Variants in BRD2 observed in about 807,000 individuals in gnomAD.
The protein encoded by BRD2 is bromodomain-containing protein 2.
In BRD2, 15 loss-of-function variants were observed where a neutral mutation model predicts 79.1. That is an observed-to-expected ratio of 0.19 (90% confidence interval 0.13 to 0.29). The LOEUF (loss-of-function observed/expected upper bound fraction) is 0.29, where lower values mean the gene tolerates loss of function less well. Among genes scored for constraint, BRD2 ranks in the 10% least tolerant of loss-of-function variants. BRD2 has a pLI of 1.00. For missense variants in BRD2, 1,053 were observed against 991.3 expected, an observed-to-expected ratio of 1.06 and a Z score of -0.84; for synonymous variants, 488 against 358.6, an observed-to-expected ratio of 1.36 and a Z score of -4.08.
Position 32,980,054 on chromosome 6 carries a change from A to G in BRD2, c.2068A>G (p.Thr690Ala). 6.2e-7 allele frequency: 1 copy of G among 1,613,034 alleles called. No homozygotes were observed. The highest frequency in any genetic ancestry group is 8.5e-7 in the Non-Finnish European group (1 of 1,180,018). Residue 690 changes from threonine (T) to alanine (A), a missense_variant, in exon 11 of 13, where the codon ACA (threonine) becomes GCA (alanine). This residue lies in a region of BRD2 where 44 missense variants were observed against 73.7 expected (regional missense o/e 0.60). Transcript: ENST00000374825. Reference sequence around the variant, plus strand: ...AGAAGAGATTGAGATTGATTTTGAAACACTCAAGCCATCCACACTTAGAGA... The same window carrying G: ...AGAAGAGATTGAGATTGATTTTGAAGCACTCAAGCCATCCACACTTAGAGA... ...NPEEIEIDFE[T>A]LKPSTLRELE...
rs761843183 is a variant in BRD2 at position 32,977,574 on chromosome 6, A to G, written c.1329+4A>G. On this transcript the variant is annotated splice_donor_region_variant and intron_variant, in intron 8 of 12. Transcript: ENST00000374825. The stretch of plus-strand genomic sequence containing the variant: ...GGCAATGGCACGAAAGCTACAGGTG[A>G]GTGGAAAGGTTGGAGTTTGAAAAAT... 1 of 1,613,812 alleles carries G rather than the reference A, an allele frequency of 6.2e-7. No homozygotes were observed. Among genetic ancestry groups the G allele is most frequent in the Non-Finnish European group, 8.5e-7 (1 of 1,179,936 alleles).
At chr6:32,969,742 A>G (rs1777777263) in intron 1 of BRD2, among the ~76,000 whole-genome samples, 1 of 152,118 alleles carries the variant, frequency 6.6e-6, no homozygotes, top group African/African-American at 2.4e-5. Context: ...AGGAACAGAA[A>G]CCAGGCCCAA....
chr6:32,972,992 C>A (rs1778228828), intron 2 of BRD2, 65 bp downstream of exon 2: 2 of 1,613,564 alleles, frequency 1.2e-6, no homozygotes, highest in African/African-American at 1.3e-5. Flanking sequence ...GGGTGTGGGG[C>A]GCCGTGTTGG....
Position 32,972,236 on chromosome 6 carries a change from C to T in BRD2, c.-663C>T, listed in dbSNP as rs1266901511. 1.9e-5 allele frequency: 9 copies of T among 484,424 alleles called. No homozygotes were observed. The highest frequency in any genetic ancestry group is 3.0e-5 in the Non-Finnish European group (8 of 262,532). 30.0% of individuals were successfully genotyped at this position (484,424 alleles called of 1,614,324 possible). On this transcript the variant is annotated 5_prime_UTR_variant, in exon 2 of 13. Transcript: ENST00000374825. ...GGAGTGGAGCAGCCTCTAGAACGAGCTGGAGGATTCTGCCTACCGATACAG... is the reference window on the plus strand; with the variant it reads ...GGAGTGGAGCAGCCTCTAGAACGAGTTGGAGGATTCTGCCTACCGATACAG...
Position 32,974,551 on chromosome 6 carries a change from A to T in BRD2, c.119A>T (p.Tyr40Phe). Residue 40 changes from tyrosine (Y) to phenylalanine (F), a missense_variant, in exon 3 of 13, where the codon TAT becomes TTT. Around this residue, in one of 5 missense-constraint regions of BRD2, gnomAD observed 413 missense variants for 335.1 expected, o/e 1.23. Transcript: ENST00000374825. ...GKRIRKPSLL[Y>F]EGFESPTMAS... ...AGGATTCGAAAACCCTCTCTCTTGT[A>T]TGAGGGCTTTGAGAGCCCCACAATG... 3 of 1,614,222 alleles carry T rather than the reference A, an allele frequency of 1.9e-6. No individual in the cohort carries two copies. In the South Asian group the frequency reaches 3.3e-5, roughly 18 times the overall value.
Position 32,974,350 on chromosome 6 carries a change from A to G in BRD2, c.30-112A>G, listed in dbSNP as rs533106200. ...TGTTTCTGCTTAAGAAGCACTTGGC[A>G]TAAGCTTAACCACCTCACTAGGGCC... On this transcript the variant is annotated intron_variant, in intron 2 of 12. Transcript: ENST00000374825. 2.6e-4 allele frequency: 295 copies of G among 1,115,700 alleles called. 2 individuals are homozygous for G. The African/African-American group carries it at 4.0e-3, about 15-fold the overall frequency. 69.1% of individuals were successfully genotyped at this position (1,115,700 alleles called of 1,614,324 possible).
chr6:32,972,092 G>A lies in BRD2; in HGVS notation c.-807G>A. ...CTTCTTCACCCGCGTGAGCGAGCGC[G>A]CGCGCGCGGAGGGGGTGGGGAAAAG... On this transcript the variant is annotated 5_prime_UTR_variant, in exon 2 of 13. Coordinates refer to ENST00000374825, the MANE Select transcript of BRD2 (RefSeq NM_005104.4). 1.4e-6 allele frequency: 1 copy of A among 694,462 alleles called. No homozygotes were observed. 43.0% of individuals were successfully genotyped at this position (694,462 alleles called of 1,614,324 possible).
chr6:32,980,832 C>A lies in BRD2; in HGVS notation c.*114C>A. 7.9e-7 allele frequency: 1 copy of A among 1,263,278 alleles called. No individual in the cohort carries two copies. Among genetic ancestry groups the A allele is most frequent in the Non-Finnish European group, 1.1e-6 (1 of 905,204 alleles). The allele number at this position is 1,263,278 out of a possible 1,614,324, so 78.3% of individuals were successfully genotyped here. On this transcript the variant is annotated 3_prime_UTR_variant, in exon 13 of 13. Transcript: ENST00000374825. ...CACTTCTTCATCTCACCCCCCCCCG[C>A]CCCCCTCTAGGAGAGCTGGCTCTGC... is the stretch of plus-strand genomic sequence containing the variant.
chr6:32,977,261 CATAA>C, intron 7 of BRD2, 177 bp from the exon 8 acceptor site: 1 of 1,548,136 alleles, frequency 6.5e-7, no homozygotes, highest in Non-Finnish European at 8.7e-7. Context: ...TTTTTCTAGA[CATAA>C]ATATTTCTTC....
intron 6 of BRD2, 44 bp from the exon 7 acceptor site, chr6:32,976,518 G>C: frequency 6.3e-7 from 1 of 1,597,146 alleles, no homozygotes; most frequent in Non-Finnish European, 8.5e-7. Flanking sequence ...CTTAAGTAAA[G>C]TGGGCTTGGA....
At chr6:32,978,458 G>A (rs1779076499) in intron 10 of BRD2, 70 bp downstream of exon 10, 2 of 1,555,932 alleles carry the variant, frequency 1.3e-6, no homozygotes, top group Non-Finnish European at 1.7e-6. Context: ...ATCTCTCTTT[G>A]CAAAGATAAT....
intron 2 of BRD2, 65 bp from the exon 3 acceptor site, chr6:32,974,397 A>G (rs993131056): frequency 2.2e-5 from 33 of 1,516,694 alleles, no homozygotes; most frequent in African/African-American, 4.1e-5. Context: ...TCATCAGACT[A>G]TTGTGCAGAT....
Position 32,972,418 on chromosome 6 carries a change from G to A in BRD2, c.-481G>A, listed in dbSNP as rs55912052. 8,023 of 296,404 alleles carry A rather than the reference G, an allele frequency of 0.027. 171 individuals carry two copies. Among genetic ancestry groups the A allele is most frequent in the South Asian group, 0.04 (1,206 of 30,184 alleles). 18.4% of individuals were successfully genotyped at this position (296,404 alleles called of 1,614,324 possible). A position where few individuals can be genotyped will look rare whatever the true frequency, so the allele number is the denominator to read the frequency against. ...GGGCCCCGCCCAATCCTCGGAGTCT[G>A]TCCACCCCCTCTACTCCGCCCTCAA... On this transcript the variant is annotated 5_prime_UTR_variant, in exon 2 of 13. Coordinates refer to ENST00000374825, the MANE Select transcript of BRD2 (RefSeq NM_005104.4).
intron 10 of BRD2, among the ~76,000 whole-genome samples, chr6:32,979,353 C>T (rs1779228932): frequency 6.6e-6 from 1 of 152,154 alleles, no homozygotes; most frequent in Non-Finnish European, 1.5e-5. Flanking sequence ...GCTGGGATTA[C>T]AAATCTGAGC....
chr6:32,973,102 C>G, intron 2 of BRD2, 175 bp downstream of exon 2: 1 of 1,562,214 alleles, frequency 6.4e-7, no homozygotes, highest in Non-Finnish European at 8.7e-7. Flanking sequence ...GGTGGCGGCT[C>G]GGCTACTGCT....
At chr6:32,975,937 G>T in intron 4 of BRD2, 94 bp from the exon 5 acceptor site, 7 of 1,398,982 alleles carry the variant, frequency 5.0e-6, no homozygotes, top group Non-Finnish European at 5.8e-6. Context: ...GTATGGTAAT[G>T]GCCTAGGGCC....
chr6:32,977,127 G>T lies in BRD2; in HGVS notation c.1200+191G>T, dbSNP rs1291340196. 2.4e-6 allele frequency: 3 copies of T among 1,232,994 alleles called. No individual in the cohort carries two copies. In the East Asian group the frequency reaches 7.6e-5, roughly 31 times the overall value. 76.4% of individuals were successfully genotyped at this position (1,232,994 alleles called of 1,614,324 possible). A position where few individuals can be genotyped will look rare whatever the true frequency, so the allele number is the denominator to read the frequency against. On this transcript the variant is annotated intron_variant, in intron 7 of 12. Transcript: ENST00000374825. ...CTTGGAGTTTGAAACAGTAGGGTGG[G>T]GTTTCTTTGTCTTGAGAAAAATACT...
chr6:32,973,399 T>C (rs1778298221), intron 2 of BRD2, among the ~76,000 whole-genome samples: 1 of 152,134 alleles, frequency 6.6e-6, no homozygotes, highest in African/African-American at 2.4e-5. Flanking sequence ...GTGTGCAGGT[T>C]CCTAATGCCC....
chr6:32,970,403 A>T (rs907714722), intron 1 of BRD2: 7 of 152,360 alleles, frequency 4.6e-5, no homozygotes, highest in Admixed American at 4.6e-4. Flanking sequence ...AAGACAGGAG[A>T]TTGGCGGCCA....
Sources: allele counts gnomAD v4.1 joint callset (sites outside exome capture counted in the v4.1 genomes callset), GRCh38; gene constraint gnomAD v4.1.1; regional missense constraint gnomAD v4.1.1; transcripts MANE v1.5; gene names NCBI Gene and HGNC (gene_info 2026-07-23, HGNC 2026-07-21).